The following AKAP13 variants were observed in gnomAD, a reference collection of about 807,000 sequenced individuals.
AKAP13 encodes the protein A-kinase anchor protein 13.
A neutral mutation model predicts 264.5 loss-of-function variants in AKAP13; 80 were observed. The observed-to-expected ratio is 0.30, with a 90% CI of 0.25 to 0.36. The LOEUF (loss-of-function observed/expected upper bound fraction) is 0.36. Ranked by LOEUF, AKAP13 falls within the 10% of genes least tolerant of loss-of-function variation. AKAP13 has a pLI of 1.00. For missense variants in AKAP13, 3,712 were observed against 3,435.2 expected (o/e 1.08, Z -2.01); for synonymous variants, 1,380 against 1,250.2 (o/e 1.10, Z -2.19).
At chr15:85,729,236 G>C (rs1477500542) in intron 29 of AKAP13, among the ~76,000 whole-genome samples, 1 of 151,918 alleles carries the variant, frequency 6.6e-6, no homozygotes, top group African/African-American at 2.4e-5. Context: ...GAGGCAGAGG[G>C]AGGTAGAGGT....
intron 2 of AKAP13, among the ~76,000 whole-genome samples, chr15:85,487,713 G>C (rs1202719920): frequency 6.6e-6 from 1 of 150,510 alleles, no homozygotes; most frequent in Non-Finnish European, 1.5e-5. Context: ...CTACAGATGT[G>C]CGCCACCATG....
At chr15:85,560,341 C>T (rs2078325644) in intron 5 of AKAP13, among the ~76,000 whole-genome samples, 1 of 151,786 alleles carries the variant, frequency 6.6e-6, no homozygotes, top group Non-Finnish European at 1.5e-5. Context: ...TGGGGGTGGT[C>T]TCCCTGTTTT....
chr15:85,528,891 G>C (rs1228427628), intron 3 of AKAP13, among the ~76,000 whole-genome samples: 3 of 151,976 alleles, frequency 2.0e-5, no homozygotes, highest in African/African-American at 7.3e-5. Context: ...GCCTTCATAA[G>C]TTCAGTAAAA....
chr15:85,653,050 G>A (rs970434521), intron 10 of AKAP13, among the ~76,000 whole-genome samples: 16 of 152,130 alleles, frequency 1.1e-4, no homozygotes, highest in African/African-American at 3.4e-4. Flanking sequence ...AGATATTCAC[G>A]AGACCATTTA....
chr15:85,568,533 G>A (rs2078691639), intron 5 of AKAP13, among the ~76,000 whole-genome samples: 1 of 152,182 alleles, frequency 6.6e-6, no homozygotes, highest in Non-Finnish European at 1.5e-5. Context: ...GAACATCGGT[G>A]AATACGGAGA....
At chr15:85,539,629 T>TTG (rs1465029368) in intron 4 of AKAP13, among the ~76,000 whole-genome samples, 2 of 152,200 alleles carry the variant, frequency 1.3e-5, no homozygotes, top group Non-Finnish European at 2.9e-5. Context: ...CTCATCATGC[T>TTG]TGAATGCCTA....
Position 85,728,900 on chromosome 15 carries a change from G to A in AKAP13, c.7087+1437G>A, listed in dbSNP as rs1413762715. The stretch of plus-strand genomic sequence containing the variant: ...AAGATAGTTAGGAGAGTTGCTTGAG[G>A]GAATGGGAAGCCACTGGAAGTACAA... On this transcript the variant is annotated intron_variant, in intron 29 of 36. Coordinates refer to ENST00000394518, the MANE Select transcript of AKAP13 (RefSeq NM_007200.5). 1.1e-4 allele frequency among the ~76,000 whole-genome samples: 16 copies of A among 152,162 alleles called. No individual in the cohort carries two copies. In the East Asian group the frequency reaches 3.1e-3, roughly 29 times the overall value.
At position 85,645,923 on chromosome 15, in the gene AKAP13, G is replaced by T. The variant is rs2082540572; in HGVS notation, c.4343G>T (p.Ser1448Ile). 1 of 1,613,880 alleles carries T rather than the reference G, an allele frequency of 6.2e-7. No homozygotes were observed. Among genetic ancestry groups the T allele is most frequent in the Non-Finnish European group, 8.5e-7 (1 of 1,180,008 alleles). Residue 1448 changes from serine (S) to isoleucine (I), a missense_variant, in exon 10 of 37, where the codon AGT (serine) becomes ATT (isoleucine). Ser to Ile is a moderately radical substitution (Grantham distance 142). Transcript: ENST00000394518. The part of the protein sequence containing the change: ...GSDSDLFHSP[S>I]DDMDSIIFPK... ...GATTCTGACCTCTTTCACTCACCCA[G>T]TGATGACATGGACAGCATCATCTTC...
intron 5 of AKAP13, among the ~76,000 whole-genome samples, chr15:85,557,969 G>T (rs1301273264): frequency 6.6e-6 from 1 of 151,982 alleles, no homozygotes; most frequent in Non-Finnish European, 1.5e-5. Context: ...TTGTCCAATG[G>T]GTCTATAGCT....
At position 85,684,832 on chromosome 15, in the gene AKAP13, A is replaced by T; in HGVS notation, c.5248A>T (p.Ser1750Cys). The T allele has an allele frequency of 6.2e-7, 1 of 1,614,028 alleles. No homozygotes were observed. Among genetic ancestry groups the T allele is most frequent in the South Asian group, 1.1e-5 (1 of 91,080 alleles). Residue 1750 changes from serine to cysteine, a missense_variant, in exon 16 of 37, where the codon AGC becomes TGC. Ser to Cys is a moderately radical substitution (Grantham distance 112, BLOSUM62 -1). Coordinates refer to ENST00000394518, the MANE Select transcript of AKAP13 (RefSeq NM_007200.5). ...KSGTKVSRTFSYIKNKMSSSK... is the reference protein window; with the variant it reads ...KSGTKVSRTFCYIKNKMSSSK... ...TGGAACAAAAGTCAGTCGTACATTC[A>T]GCTACATCAAGAATAAAATGTCTAG...
chr15:85,712,398 T>A (rs2086678756), intron 19 of AKAP13, among the ~76,000 whole-genome samples: 1 of 152,232 alleles, frequency 6.6e-6, no homozygotes, highest in Non-Finnish European at 1.5e-5. Context: ...ATACTTTTTA[T>A]GTCTAGCTTC....
intron 8 of AKAP13, among the ~76,000 whole-genome samples, chr15:85,634,692 G>A (rs901074966): frequency 6.6e-6 from 1 of 152,082 alleles, no homozygotes; most frequent in African/African-American, 2.4e-5. Flanking sequence ...GAACACTTCT[G>A]TCAGCTCAGA....
intron 9 of AKAP13, among the ~76,000 whole-genome samples, chr15:85,641,445 CAAATAAATAAATAAAT>C (rs199664618): frequency 0.12 from 12,015 of 97,270 alleles, 1,039 homozygotes; most frequent in African/African-American, 0.2. Flanking sequence ...GACTCCATCT[CAAATAAATAAATAAAT>C]AAATAAATAA....
rs201071192 is a variant in AKAP13 at position 85,655,787 on chromosome 15, G to A, written c.4745G>A (p.Ser1582Asn). The change falls in exon 11 of 37, where the codon AGT becomes AAT. Residue 1582 changes from serine (S) to asparagine (N), a missense_variant and splice_region_variant. Coordinates refer to ENST00000394518, the MANE Select transcript of AKAP13 (RefSeq NM_007200.5). ...AASDAEMNHR[S>N]SMRVLGDVVR... is the part of the protein sequence containing the mutation. ...AGCGATGCAGAAATGAACCACCGGAGGTGAGATGGGAGGCGGTTTGTTTAG... is the reference window on the plus strand; with the variant it reads ...AGCGATGCAGAAATGAACCACCGGAAGTGAGATGGGAGGCGGTTTGTTTAG... The A allele has an allele frequency of 1.3e-4, 211 of 1,602,276 alleles. No individual in the cohort carries two copies. The highest frequency in any genetic ancestry group is 1.7e-4 in the Non-Finnish European group (203 of 1,171,098).
chr15:85,481,330 G>C (rs1321225864), intron 1 of AKAP13, among the ~76,000 whole-genome samples: 2 of 152,176 alleles, frequency 1.3e-5, no homozygotes, highest in Non-Finnish European at 2.9e-5. Flanking sequence ...AGAAAAGACT[G>C]ATGATTGTTT....
In AKAP13 at chr15:85,744,918, G is replaced by A. The variant is rs1387077352; in HGVS notation, c.*241G>A. The A allele has an allele frequency of 2.2e-6, 1 of 446,780 alleles. No individual in the cohort carries two copies. Among genetic ancestry groups the A allele is most frequent in the African/African-American group, 2.0e-5 (1 of 48,792 alleles). 27.7% of individuals were successfully genotyped at this position (446,780 alleles called of 1,614,324 possible). A position where few individuals can be genotyped will look rare whatever the true frequency, so the allele number is the denominator to read the frequency against. ...CTGCCCAGGACTCTCAGGTTGGGCT[G>A]GCCCTACTCAGGATTACACTGAAAG... is the stretch of plus-strand genomic sequence containing the variant. On this transcript the variant is annotated 3_prime_UTR_variant, in exon 37 of 37. Transcript: ENST00000394518.
intron 16 of AKAP13, among the ~76,000 whole-genome samples, chr15:85,688,795 A>G (rs1339356541): frequency 1.3e-5 from 2 of 152,222 alleles, no homozygotes; most frequent in African/African-American, 4.8e-5. Flanking sequence ...ATTAGATTAG[A>G]TAAATATATT....
chr15:85,423,262 A>G (rs759323790), intron 1 of AKAP13, among the ~76,000 whole-genome samples: 1 of 152,174 alleles, frequency 6.6e-6, no homozygotes, highest in Non-Finnish European at 1.5e-5. Flanking sequence ...TCTTTGTAAC[A>G]TGTGATGCTG....
intron 17 of AKAP13, chr15:85,702,597 C>T (rs1212247674): frequency 1.3e-5 from 2 of 152,132 alleles, no homozygotes; most frequent in Non-Finnish European, 2.9e-5. Flanking sequence ...TAAGTGTAAC[C>T]CTGTTTGGCT....
Sources: gnomAD v4.1 joint callset for allele counts (sites outside exome capture counted in the v4.1 genomes callset) on GRCh38, gnomAD v4.1.1 for gene constraint, MANE v1.5 for transcripts, NCBI Gene and HGNC (gene_info 2026-07-23, HGNC 2026-07-21) for gene names.